Variants in KCNN2 observed in about 807,000 individuals in gnomAD.
KCNN2 encodes the protein small conductance calcium-activated potassium channel protein 2.
KCNN2 carries 24 observed loss-of-function variants against 55.5 expected under a neutral mutation model. That is an observed-to-expected ratio of 0.43 (90% CI 0.31 to 0.61). KCNN2 has a LOEUF of 0.61. Ranked by LOEUF, KCNN2 falls within the 20% of genes least tolerant of loss-of-function variation. The pLI is 0.08. For synonymous variants in KCNN2, 431 were observed against 336.1 expected, an observed-to-expected ratio of 1.28 and a Z score of -3.09; for missense variants, 754 against 853.6, an observed-to-expected ratio of 0.88 and a Z score of 1.45.
At chr5:114,387,643 A>G (rs2150061313) in intron 2 of KCNN2, among the ~76,000 whole-genome samples, 1 of 152,318 alleles carries the variant, frequency 6.6e-6, no homozygotes, top group South Asian at 2.1e-4. Context: ...AGCCCGAAGA[A>G]TCATTCTGGT....
intron 5 of KCNN2, among the ~76,000 whole-genome samples, chr5:114,475,502 C>G (rs965294402): frequency 2.6e-5 from 4 of 152,118 alleles, no homozygotes; most frequent in Non-Finnish European, 5.9e-5. Flanking sequence ...ACTGAGTCTA[C>G]TGAATATATT....
intron 2 of KCNN2, among the ~76,000 whole-genome samples, chr5:114,381,736 T>A (rs1434737715): frequency 1.3e-5 from 2 of 152,226 alleles, no homozygotes; most frequent in Non-Finnish European, 2.9e-5. Flanking sequence ...AACATTTGCG[T>A]TTGTTACTGG....
chr5:114,356,111 G>T (rs1757289693), intron 2 of KCNN2, among the ~76,000 whole-genome samples: 2 of 152,132 alleles, frequency 1.3e-5, no homozygotes, highest in Admixed American at 1.3e-4. Context: ...CTAGCAGAGT[G>T]TAAAACAGAC....
At chr5:114,173,547 T>TA (rs1433939594) in intron 1 of KCNN2, among the ~76,000 whole-genome samples, 3 of 151,580 alleles carry the variant, frequency 2.0e-5, no homozygotes, top group Non-Finnish European at 4.4e-5. Flanking sequence ...GGTATTTTGA[T>TA]AGAGATTACA....
intron 2 of KCNN2, among the ~76,000 whole-genome samples, chr5:114,227,588 GC>G (rs1462823122): frequency 6.6e-6 from 1 of 152,164 alleles, no homozygotes; most frequent in Non-Finnish European, 1.5e-5. Flanking sequence ...CCATCATTGT[GC>G]CTTGCACTTG....
At chr5:114,102,072 C>T (rs1751383861) in intron 1 of KCNN2, among the ~76,000 whole-genome samples, 1 of 152,196 alleles carries the variant, frequency 6.6e-6, no homozygotes, top group South Asian at 2.1e-4. Context: ...ATTCTTATTT[C>T]TCCACGTCCT....
chr5:114,143,969 G>T (rs1752343950), intron 1 of KCNN2, among the ~76,000 whole-genome samples: 2 of 152,202 alleles, frequency 1.3e-5, no homozygotes, highest in South Asian at 2.1e-4. Flanking sequence ...CAAAATTAAC[G>T]ATTGTGGATC....
intron 1 of KCNN2, among the ~76,000 whole-genome samples, chr5:114,175,527 A>G (rs1346672610): frequency 2.0e-5 from 3 of 152,322 alleles, no homozygotes; most frequent in Non-Finnish European, 2.9e-5. Flanking sequence ...ATACTCAAAG[A>G]GAAAGGCCTG....
At chr5:114,166,164 C>T (rs950410401) in intron 1 of KCNN2, among the ~76,000 whole-genome samples, 2 of 152,036 alleles carry the variant, frequency 1.3e-5, no homozygotes, top group Non-Finnish European at 2.9e-5. Flanking sequence ...TGCTGCTTAT[C>T]AAACTTAATT....
At chr5:114,121,567 T>C (rs1172083730) in intron 1 of KCNN2, among the ~76,000 whole-genome samples, 1 of 152,176 alleles carries the variant, frequency 6.6e-6, no homozygotes, top group Non-Finnish European at 1.5e-5. Context: ...CAAGCGTCCT[T>C]TACCCATAAC....
chr5:114,159,992 T>C (rs1752730809), intron 1 of KCNN2, among the ~76,000 whole-genome samples: 4 of 152,210 alleles, frequency 2.6e-5, no homozygotes, highest in African/African-American at 9.6e-5. Flanking sequence ...GTTTTTTGTG[T>C]CTCTGTTTCC....
At chr5:114,443,942 A>C (rs893077269) in intron 3 of KCNN2, among the ~76,000 whole-genome samples, 34 of 152,234 alleles carry the variant, frequency 2.2e-4, no homozygotes, top group Non-Finnish European at 2.5e-4. Context: ...GTATATGCTA[A>C]AGCAATTGGA....
At chr5:114,354,076 A>C (rs1757257420) in intron 2 of KCNN2, among the ~76,000 whole-genome samples, 1 of 151,016 alleles carries the variant, frequency 6.6e-6, no homozygotes, top group Admixed American at 6.6e-5. Flanking sequence ...GGTGTCTCAC[A>C]TTTCTCTGAG....
chr5:114,271,815 C>G (rs1242854306), intron 2 of KCNN2, among the ~76,000 whole-genome samples: 6 of 152,124 alleles, frequency 3.9e-5, no homozygotes, highest in Admixed American at 1.3e-4. Context: ...CAATTCCAAA[C>G]CATTTTCATT....
At chr5:114,254,251 A>AT (rs1264233871) in intron 2 of KCNN2, among the ~76,000 whole-genome samples, 3 of 152,282 alleles carry the variant, frequency 2.0e-5, no homozygotes, top group East Asian at 1.9e-4. Flanking sequence ...CAGCATTTCT[A>AT]TTTTTTTTAA....
intron 1 of KCNN2, among the ~76,000 whole-genome samples, chr5:114,214,003 C>T (rs1753942784): frequency 6.6e-6 from 1 of 151,928 alleles, no homozygotes; most frequent in South Asian, 2.1e-4. Context: ...CATACATTAC[C>T]TAATTTCATC....
chr5:114,078,494 C>A (rs1335403759), intron 1 of KCNN2, among the ~76,000 whole-genome samples: 1 of 152,168 alleles, frequency 6.6e-6, no homozygotes. Flanking sequence ...CAGGATCCTT[C>A]CCTCACGCTC....
At chr5:114,217,236 A>C in intron 1 of KCNN2, among the ~76,000 whole-genome samples, 1 of 152,248 alleles carries the variant, frequency 6.6e-6, no homozygotes, top group African/African-American at 2.4e-5. Context: ...TATTTTGTGG[A>C]TATCAATAAA....
chr5:114,304,715 C>T (rs1756233636), intron 2 of KCNN2, among the ~76,000 whole-genome samples: 1 of 152,218 alleles, frequency 6.6e-6, no homozygotes, highest in African/African-American at 2.4e-5. Flanking sequence ...ACAGCTTGTA[C>T]CATAACCTGA....
Sources: allele counts gnomAD v4.1 joint callset (sites outside exome capture counted in the v4.1 genomes callset), GRCh38; gene constraint gnomAD v4.1.1; transcripts MANE v1.5; gene names NCBI Gene and HGNC (gene_info 2026-07-23, HGNC 2026-07-21).